The following NT5DC3 variants were observed in gnomAD, a reference collection of about 807,000 sequenced individuals.
The protein encoded by NT5DC3 is 5'-nucleotidase domain containing 3, also known as 5'-nucleotidase domain-containing protein 3.
Under a neutral mutation model 67.8 loss-of-function variants are expected in NT5DC3, and 42 were observed. The ratio of observed to expected loss-of-function variants is 0.62; its 90% CI spans 0.48 to 0.80. The LOEUF (loss-of-function observed/expected upper bound fraction) is 0.80. Ranked by LOEUF, NT5DC3 falls within the 30% of genes least tolerant of loss-of-function variation. NT5DC3 has a pLI of 0.00. For missense variants in NT5DC3, 570 were observed against 696.4 expected (o/e 0.82, Z 2.04); for synonymous variants, 237 against 255.6 (o/e 0.93, Z 0.69).
chr12:103,757,264 T>C, the NT5DC3 span, among the ~76,000 whole-genome samples: 29 of 151,742 alleles, frequency 1.9e-4, no homozygotes, highest in Non-Finnish European at 2.9e-4. Context: ...ATTTTTTAAC[T>C]TTTTGTAGAG....
At position 103,777,857 on chromosome 12, in the gene NT5DC3, G is replaced by C. The variant is rs1224728264; in HGVS notation, c.1619C>G (p.Pro540Arg). The C allele has an allele frequency of 6.2e-7, 1 of 1,613,904 alleles. No individual in the cohort carries two copies. Among genetic ancestry groups the C allele is most frequent in the Admixed American group, 1.7e-5 (1 of 60,020 alleles). Residue 540 changes from proline (P) to arginine (R), a missense_variant, in exon 14 of 14, where the codon CCT (proline) becomes CGT (arginine). Pro to Arg is a moderately radical substitution (Grantham distance 103). Around this residue, in one of 2 missense-constraint regions of NT5DC3, gnomAD observed 466 missense variants for 608.0 expected, o/e 0.77. Transcript: ENST00000392876. ...CTTGGCCTGGGCCTCCTGCAGGAGA[G>C]GGGTTCCGAAGGTGGGGGGCCTTTC... ...WSERPPTFGT[P>R]LLQEAQAK
At chr12:103,821,003 C>T (rs577370513) in intron 1 of NT5DC3, 3 of 152,464 alleles carry the variant, frequency 2.0e-5, no homozygotes, top group Admixed American at 1.3e-4. Context: ...CCACTCCTCA[C>T]CCCGACTCTG....
chr12:103,840,434 C>CATCT (rs1888359170), intron 1 of NT5DC3, among the ~76,000 whole-genome samples: 3 of 129,372 alleles, frequency 2.3e-5, no homozygotes, highest in African/African-American at 8.1e-5. Flanking sequence ...CCATCCCATT[C>CATCT]CATCCCATCC....
At chr12:103,817,209 T>A (rs1175415653) in intron 1 of NT5DC3, among the ~76,000 whole-genome samples, 1 of 152,148 alleles carries the variant, frequency 6.6e-6, no homozygotes. Flanking sequence ...ATATCCTAGA[T>A]GAAATTCAGG....
chr12:103,833,818 C>T (rs949646038), intron 1 of NT5DC3, among the ~76,000 whole-genome samples: 9 of 152,008 alleles, frequency 5.9e-5, no homozygotes, highest in African/African-American at 2.2e-4. Flanking sequence ...ACAGGACAGG[C>T]CAAGTATCTG....
chr12:103,764,727 A>G, the NT5DC3 span, among the ~76,000 whole-genome samples: 1 of 152,242 alleles, frequency 6.6e-6, no homozygotes, highest in Non-Finnish European at 1.5e-5. Context: ...TATAAATGCA[A>G]TAGACTGAAA....
chr12:103,777,669 T>A lies in NT5DC3; in HGVS notation c.*160A>T, dbSNP rs1032406829. On this transcript the variant is annotated 3_prime_UTR_variant, in exon 14 of 14. Coordinates refer to ENST00000392876, the MANE Select transcript of NT5DC3 (RefSeq NM_001031701.3). ...GCTGGAGGGGTGGGCTGCTAGCTCC[T>A]GTCTTAACCATTGGGAGAATTATTC... 2 of 827,772 alleles carry A rather than the reference T, an allele frequency of 2.4e-6. No homozygotes were observed. 51.3% of individuals were successfully genotyped at this position (827,772 alleles called of 1,614,324 possible).
chr12:103,753,158 T>C, the NT5DC3 span: 23 of 1,596,766 alleles, frequency 1.4e-5, no homozygotes, highest in East Asian at 3.6e-4. Context: ...TCAGAGTCCA[T>C]TGTTGGAAAC....
At chr12:103,831,478 T>C (rs991205582) in intron 1 of NT5DC3, among the ~76,000 whole-genome samples, 13 of 152,202 alleles carry the variant, frequency 8.5e-5, no homozygotes, top group African/African-American at 2.9e-4. Context: ...CAAATCCATG[T>C]GAGGACGAGC....
At chr12:103,819,146 T>C (rs1434078067) in intron 1 of NT5DC3, among the ~76,000 whole-genome samples, 1 of 152,202 alleles carries the variant, frequency 6.6e-6, no homozygotes, top group African/African-American at 2.4e-5. Flanking sequence ...GGAATTCCCC[T>C]GTGGGAGTGA....
the NT5DC3 span, chr12:103,749,230 A>C: frequency 1.4e-6 from 2 of 1,448,452 alleles, no homozygotes; most frequent in Non-Finnish European, 1.9e-6. Context: ...TCCACCTCCC[A>C]TACTCTGCTT....
rs1322344707 is a variant in NT5DC3 at position 103,822,018 on chromosome 12, A to G, written c.209-6897T>C. The stretch of plus-strand genomic sequence containing the variant: ...AATGTCAAGTAAGACTTTCCTTCAA[A>G]TTATGCTATAAAACAAAACACCATG... On this transcript the variant is annotated intron_variant, in intron 1 of 13. Coordinates refer to ENST00000392876, the MANE Select transcript of NT5DC3 (RefSeq NM_001031701.3). The G allele has an allele frequency of 3.9e-5, 6 of 152,374 alleles. No individual in the cohort carries two copies. The East Asian group carries it at 9.6e-4, about 24-fold the overall frequency. 9.4% of individuals were successfully genotyped at this position (152,374 alleles called of 1,614,324 possible).
At chr12:103,762,427 A>T in the NT5DC3 span, 1 of 1,614,118 alleles carries the variant, frequency 6.2e-7, no homozygotes, top group Non-Finnish European at 8.5e-7. Context: ...TGGGAACATG[A>T]TGATGGGGTC....
downstream of NT5DC3, among the ~76,000 whole-genome samples, chr12:103,769,342 C>T (rs778740736): frequency 6.6e-6 from 1 of 152,178 alleles, no homozygotes; most frequent in Admixed American, 6.5e-5. Flanking sequence ...CCCCAGCAGG[C>T]CCTCAGCATG....
the NT5DC3 span, chr12:103,755,131 T>C: frequency 1.2e-6 from 1 of 835,250 alleles, no homozygotes; most frequent in East Asian, 2.5e-5. Context: ...AGTGGCTCAA[T>C]CAATCAGTCA....
At chr12:103,789,924 C>T (rs892458025) in intron 9 of NT5DC3, among the ~76,000 whole-genome samples, 10 of 152,122 alleles carry the variant, frequency 6.6e-5, no homozygotes, top group Admixed American at 5.9e-4. Flanking sequence ...CATTTCAGTT[C>T]GTGTTTCAGT....
chr12:103,830,152 C>T (rs763316248), intron 1 of NT5DC3, among the ~76,000 whole-genome samples: 1 of 152,168 alleles, frequency 6.6e-6, no homozygotes, highest in African/African-American at 2.4e-5. Flanking sequence ...TACCAATCCT[C>T]GGAGACAGGT....
chr12:103,748,846 C>T, the NT5DC3 span: 68 of 1,074,770 alleles, frequency 6.3e-5, no homozygotes, highest in South Asian at 3.1e-4. Context: ...AGCACGAACA[C>T]GCAGGGGCCC....
At chr12:103,785,157 G>C (rs1229141533) in intron 12 of NT5DC3, among the ~76,000 whole-genome samples, 178 bp downstream of exon 12, 1 of 152,170 alleles carries the variant, frequency 6.6e-6, no homozygotes, top group East Asian at 1.9e-4. Flanking sequence ...GCAAACACCT[G>C]CATTAACAAA....
Sources: gnomAD v4.1 joint callset for allele counts (sites outside exome capture counted in the v4.1 genomes callset) on GRCh38, gnomAD v4.1.1 for gene constraint, gnomAD v4.1.1 regional missense constraint, MANE v1.5 for transcripts, NCBI Gene and HGNC (gene_info 2026-07-23, HGNC 2026-07-21) for gene names.